Variants in SGMS1 observed in about 807,000 individuals in gnomAD.
The protein encoded by SGMS1 is phosphatidylcholine:ceramide cholinephosphotransferase 1.
A neutral mutation model predicts 46.2 loss-of-function variants in SGMS1; 13 were observed. The observed-to-expected ratio is 0.28, with a 90% CI of 0.18 to 0.45. SGMS1 has a LOEUF of 0.45. SGMS1 is among the 20% of genes least tolerant of loss of function. The pLI is 1.00. For synonymous variants in SGMS1, 203 were observed against 187.8 expected (o/e 1.08, Z -0.66); for missense variants, 324 against 519.9 (o/e 0.62, Z 3.66).
chr10:50,481,067 A>G (rs973016521), intron 3 of SGMS1, among the ~76,000 whole-genome samples: 1 of 152,258 alleles, frequency 6.6e-6, no homozygotes, highest in African/African-American at 2.4e-5. Flanking sequence ...GCAGCTCAGC[A>G]GACTCAATCT....
chr10:50,603,601 T>G (rs2131914615), intron 1 of SGMS1, among the ~76,000 whole-genome samples: 1 of 152,224 alleles, frequency 6.6e-6, no homozygotes, highest in South Asian at 2.1e-4. Flanking sequence ...TACCTCCAAA[T>G]GGTAACTCAA....
At position 50,441,999 on chromosome 10, in the gene SGMS1, T is replaced by C. The variant is rs12573569; in HGVS notation, c.-312-8443A>G. Among the ~76,000 whole-genome samples, 21 of 152,316 alleles carry C rather than the reference T, an allele frequency of 1.4e-4. No homozygotes were observed. In the East Asian group the frequency reaches 4.0e-3, roughly 29 times the overall value. On this transcript the variant is annotated intron_variant, in intron 5 of 10. Transcript: ENST00000361781. The stretch of plus-strand genomic sequence containing the variant: ...TTCCTATCACCCTCCAAAGGCAATG[T>C]TTCTCATTTCAAAAATACATTTTAA...
chr10:50,340,697 A>C (rs974864853), intron 7 of SGMS1: 2 of 152,280 alleles, frequency 1.3e-5, no homozygotes, highest in African/African-American at 4.8e-5. Flanking sequence ...AATTTTATAC[A>C]ACATAAAGAT....
chr10:50,519,627 C>T (rs1247868453), intron 3 of SGMS1, among the ~76,000 whole-genome samples: 3 of 152,156 alleles, frequency 2.0e-5, no homozygotes, highest in Non-Finnish European at 4.4e-5. Context: ...GGGGAGCTGG[C>T]CTCTTTAAGT....
chr10:50,497,512 G>T (rs1004097410), intron 3 of SGMS1, among the ~76,000 whole-genome samples: 2 of 152,206 alleles, frequency 1.3e-5, no homozygotes, highest in Non-Finnish European at 2.9e-5. Flanking sequence ...CCAGATCCTG[G>T]CCGGGCGCGG....
chr10:50,334,295 A>C (rs756789641), intron 7 of SGMS1, among the ~76,000 whole-genome samples: 8 of 152,240 alleles, frequency 5.3e-5, no homozygotes, highest in Non-Finnish European at 1.0e-4. Context: ...GGCTGTCAAC[A>C]AAAATAATGT....
At chr10:50,534,001 A>G (rs73318725) in intron 2 of SGMS1, among the ~76,000 whole-genome samples, 2,434 of 152,322 alleles carry the variant, frequency 0.016, 65 homozygotes, top group African/African-American at 0.055. Flanking sequence ...CCTTGTCTAC[A>G]CAGTAAGACC....
intron 6 of SGMS1, among the ~76,000 whole-genome samples, chr10:50,405,483 C>CA (rs1277985653): frequency 2.6e-5 from 4 of 152,268 alleles, no homozygotes; most frequent in African/African-American, 9.6e-5. Context: ...TTATGCATTG[C>CA]ATGGTGTATA....
At chr10:50,530,401 G>A (rs775775014) in intron 2 of SGMS1, among the ~76,000 whole-genome samples, 9 of 152,162 alleles carry the variant, frequency 5.9e-5, no homozygotes, top group Non-Finnish European at 1.3e-4. Context: ...TTTCTAATGG[G>A]ACAGAAAGGG....
At chr10:50,522,783 G>A (rs1019077735) in intron 2 of SGMS1, among the ~76,000 whole-genome samples, 7 of 152,022 alleles carry the variant, frequency 4.6e-5, no homozygotes, top group African/African-American at 1.7e-4. Flanking sequence ...TATTCAGCAA[G>A]GTCTCTTCAC....
chr10:50,353,100 C>A (rs1406456714), intron 6 of SGMS1, among the ~76,000 whole-genome samples: 2 of 152,208 alleles, frequency 1.3e-5, no homozygotes, highest in African/African-American at 4.8e-5. Context: ...AGGCCAGCAT[C>A]ATCCTGATAC....
chr10:50,562,337 A>T, intron 2 of SGMS1, among the ~76,000 whole-genome samples: 1 of 132,358 alleles, frequency 7.6e-6, no homozygotes, highest in African/African-American at 2.8e-5. Context: ...ACACTCTCTG[A>T]GTGTGTGTGT....
chr10:50,318,996 C>A (rs2842093), intron 8 of SGMS1, among the ~76,000 whole-genome samples: 11,095 of 152,010 alleles, frequency 0.073, 961 homozygotes, highest in East Asian at 0.33. Context: ...TTGATAAAAT[C>A]TTAAATAAAG....
At chr10:50,329,827 G>A (rs1847589581) in intron 7 of SGMS1, among the ~76,000 whole-genome samples, 1 of 152,156 alleles carries the variant, frequency 6.6e-6, no homozygotes, top group Admixed American at 6.5e-5. Flanking sequence ...TTTCCCATCT[G>A]CACACACTTG....
At chr10:50,602,230 C>T (rs537821069) in intron 1 of SGMS1, among the ~76,000 whole-genome samples, 1 of 152,196 alleles carries the variant, frequency 6.6e-6, no homozygotes, top group Non-Finnish European at 1.5e-5. Flanking sequence ...GAAAACCCTG[C>T]CCCATCTCTG....
At chr10:50,606,944 G>A (rs143045297) in intron 1 of SGMS1, among the ~76,000 whole-genome samples, 104 of 150,986 alleles carry the variant, frequency 6.9e-4, no homozygotes, top group African/African-American at 2.4e-3. Context: ...GGAATGTCTG[G>A]TTATTATATA....
intron 8 of SGMS1, 45 bp downstream of exon 8, chr10:50,327,160 A>G (rs772165088): frequency 3.3e-6 from 4 of 1,222,474 alleles, no homozygotes; most frequent in South Asian, 2.6e-5. Flanking sequence ...CCAGGGCAAG[A>G]CAAGAAACAA....
At chr10:50,601,825 G>A (rs531693649) in intron 1 of SGMS1, among the ~76,000 whole-genome samples, 1 of 152,326 alleles carries the variant, frequency 6.6e-6, no homozygotes, top group East Asian at 1.9e-4. Flanking sequence ...TTTTGGGAAT[G>A]GGACCCAAGT....
At chr10:50,457,045 TG>T (rs1387409292) in intron 5 of SGMS1, among the ~76,000 whole-genome samples, 1 of 152,236 alleles carries the variant, frequency 6.6e-6, no homozygotes, top group Non-Finnish European at 1.5e-5. Context: ...ATTATGTTCT[TG>T]TTTTTTAGAG....
Sources: gnomAD v4.1 joint callset for allele counts (sites outside exome capture counted in the v4.1 genomes callset) on GRCh38, gnomAD v4.1.1 for gene constraint, MANE v1.5 for transcripts, NCBI Gene and HGNC (gene_info 2026-07-23, HGNC 2026-07-21) for gene names.